The following EPHA3 variants were observed in gnomAD, a reference collection of about 807,000 sequenced individuals.
EPHA3 encodes ephrin type-A receptor 3.
EPHA3 carries 42 observed loss-of-function variants against 107.1 expected under a neutral mutation model. The observed-to-expected ratio is 0.39, with a 90% CI of 0.31 to 0.51. The LOEUF is 0.51. Ranked by LOEUF, EPHA3 falls within the 20% of genes least tolerant of loss-of-function variation. The probability of loss-of-function intolerance (pLI) is 0.78; values close to 1 mark genes in which losing one functional copy is unlikely to be tolerated. For missense variants in EPHA3, 1,183 were observed against 1,211.2 expected, an observed-to-expected ratio of 0.98 and a Z score of 0.35; for synonymous variants, 461 against 424.8, an observed-to-expected ratio of 1.09 and a Z score of -1.05.
intron 3 of EPHA3, among the ~76,000 whole-genome samples, chr3:89,265,279 T>G (rs17800347): frequency 0.22 from 33,316 of 152,030 alleles, 3,968 homozygotes; most frequent in Non-Finnish European, 0.27. Context: ...TATTTAGAGA[T>G]GCATCAAGAA....
chr3:89,298,264 T>G (rs1023146936), intron 3 of EPHA3, among the ~76,000 whole-genome samples: 2 of 152,130 alleles, frequency 1.3e-5, no homozygotes, highest in Non-Finnish European at 2.9e-5. Context: ...GCAAATGGCC[T>G]TTCTCTCTCT....
chr3:89,460,823 C>CTTTTTTTTTTTT (rs753656853), intron 15 of EPHA3, among the ~76,000 whole-genome samples: 57 of 102,810 alleles, frequency 5.5e-4, no homozygotes, highest in African/African-American at 9.6e-4. Flanking sequence ...CTCTGTCTCT[C>CTTTTTTTTTTTT]TTTTTTTTTT....
rs187562413 is a variant in EPHA3 at position 89,359,694 on chromosome 3, C to T, written c.1306+17604C>T. Among the ~76,000 whole-genome samples the T allele has an allele frequency of 1.3e-4, 19 of 143,294 alleles. 1 individual carries two copies. Among genetic ancestry groups the T allele is most frequent in the Non-Finnish European group, 1.5e-4 (10 of 65,064 alleles). 94.0% of individuals were successfully genotyped at this position (143,294 alleles called of 152,430 possible). A position where few individuals can be genotyped will look rare whatever the true frequency, so the allele number is the denominator to read the frequency against. ...TATATTGTGTGTGTGTGTGTATATA[C>T]GTTATATATTGTGTGTGTGTATATA... On this transcript the variant is annotated intron_variant, in intron 5 of 16. Coordinates refer to ENST00000336596, the MANE Select transcript of EPHA3 (RefSeq NM_005233.6).
Position 89,209,714 on chromosome 3 carries a change from G to A in EPHA3, c.154-146G>A, listed in dbSNP as rs369910830. 8 of 646,566 alleles carry A rather than the reference G, an allele frequency of 1.2e-5. No homozygotes were observed. In the African/African-American group the frequency reaches 1.5e-4, roughly 12 times the overall value. 40.1% of individuals were successfully genotyped at this position (646,566 alleles called of 1,614,324 possible). A position where few individuals can be genotyped will look rare whatever the true frequency, so the allele number is the denominator to read the frequency against. Reference sequence around the variant, plus strand: ...ATTACTTTATGTCCATTAACTCAGAGAACCTTGCAAATAAAAACTACAAAC... The same window carrying A: ...ATTACTTTATGTCCATTAACTCAGAAAACCTTGCAAATAAAAACTACAAAC... On this transcript the variant is annotated intron_variant, in intron 2 of 16. Coordinates refer to ENST00000336596, the MANE Select transcript of EPHA3 (RefSeq NM_005233.6).
chr3:89,415,732 T>A (rs1040944430), intron 10 of EPHA3, among the ~76,000 whole-genome samples: 3 of 151,280 alleles, frequency 2.0e-5, no homozygotes, highest in Non-Finnish European at 4.4e-5. Context: ...TAAAAATTTC[T>A]GAAGAAAGTA....
intron 15 of EPHA3, among the ~76,000 whole-genome samples, chr3:89,457,950 A>G (rs1231206918): frequency 6.6e-6 from 1 of 152,236 alleles, no homozygotes; most frequent in Admixed American, 6.5e-5. Context: ...ATCAGAGAAT[A>G]CTTCCAGGTT....
intron 2 of EPHA3, among the ~76,000 whole-genome samples, chr3:89,176,616 T>C (rs573988452): frequency 2.0e-4 from 30 of 152,206 alleles, no homozygotes; most frequent in African/African-American, 5.8e-4. Flanking sequence ...TAATAATACA[T>C]GTCTCACAGA....
intron 5 of EPHA3, among the ~76,000 whole-genome samples, chr3:89,386,597 G>A (rs548851129): frequency 2.0e-5 from 3 of 152,342 alleles, no homozygotes; most frequent in East Asian, 1.9e-4. Context: ...CAAGGGCAGT[G>A]CAGTAGGGAA....
chr3:89,208,642 T>G (rs1295659103), intron 2 of EPHA3, among the ~76,000 whole-genome samples: 1 of 151,458 alleles, frequency 6.6e-6, no homozygotes, highest in Non-Finnish European at 1.5e-5. Flanking sequence ...TTCCACAAGT[T>G]CCACAAGAAA....
rs567287021 is a variant in EPHA3 at position 89,130,801 on chromosome 3, A to AT, written c.153+3535dup. Among the ~76,000 whole-genome samples the AT allele has an allele frequency of 8.8e-3, 1,336 of 152,002 alleles. 15 individuals are homozygous for AT. Among genetic ancestry groups the AT allele is most frequent in the African/African-American group, 0.031 (1,273 of 41,466 alleles). On this transcript the variant is annotated intron_variant, in intron 2 of 16. Coordinates refer to ENST00000336596, the MANE Select transcript of EPHA3 (RefSeq NM_005233.6). ...AGGCGCCCGCCACCACGCTCAGCTA[A>AT]TTTTTTTGTGTTTTTTAGTAGAGAC...
At chr3:89,347,573 G>A (rs918665655) in intron 5 of EPHA3, among the ~76,000 whole-genome samples, 1 of 149,562 alleles carries the variant, frequency 6.7e-6, no homozygotes, top group African/African-American at 2.5e-5. Context: ...GGGACAATTT[G>A]ACTTCCTCTT....
chr3:89,372,831 A>G (rs1247666720), intron 5 of EPHA3, among the ~76,000 whole-genome samples: 1 of 151,804 alleles, frequency 6.6e-6, no homozygotes, highest in Non-Finnish European at 1.5e-5. Flanking sequence ...AAAGGAAGGT[A>G]TGTTATCTTA....
intron 2 of EPHA3, among the ~76,000 whole-genome samples, chr3:89,161,471 T>C (rs934110316): frequency 6.6e-6 from 1 of 152,176 alleles, no homozygotes; most frequent in South Asian, 2.1e-4. Context: ...TTTTTTGAAA[T>C]CTAACAATGT....
rs1392681813 is a variant in EPHA3 at position 89,161,215 on chromosome 3, T to A, written c.153+33942T>A. ...GACCATGCCATATTAGAAACTAGAA[T>A]AAAAAAGGAAAATGTTTGAATGGGT... On this transcript the variant is annotated intron_variant, in intron 2 of 16. Coordinates refer to ENST00000336596, the MANE Select transcript of EPHA3 (RefSeq NM_005233.6). Among the ~76,000 whole-genome samples the A allele has an allele frequency of 1.2e-4, 18 of 152,010 alleles. 1 individual carries two copies. In the East Asian group the frequency reaches 3.3e-3, roughly 28 times the overall value.
chr3:89,403,101 A>G (rs1708997314), intron 7 of EPHA3, among the ~76,000 whole-genome samples: 3 of 152,202 alleles, frequency 2.0e-5, no homozygotes, highest in Admixed American at 2.0e-4. Context: ...TAGGGAAGAG[A>G]TGGAGGCAGA....
intron 15 of EPHA3, among the ~76,000 whole-genome samples, chr3:89,468,284 C>G (rs929829692): frequency 1.3e-5 from 2 of 151,288 alleles, no homozygotes; most frequent in East Asian, 3.9e-4. Context: ...GCACTTTGAT[C>G]CAAGTCATAA....
intron 2 of EPHA3, among the ~76,000 whole-genome samples, chr3:89,168,935 C>A (rs1248459871): frequency 6.6e-6 from 1 of 151,176 alleles, no homozygotes; most frequent in Non-Finnish European, 1.5e-5. Context: ...TTTTCCAATT[C>A]ATTGTACATA....
intron 3 of EPHA3, among the ~76,000 whole-genome samples, chr3:89,305,367 C>T (rs1231517688): frequency 6.6e-6 from 1 of 152,014 alleles, no homozygotes; most frequent in Admixed American, 6.6e-5. Context: ...TAGCAAAATA[C>T]AGAATTGACA....
At chr3:89,350,501 TCTAGTTATA>T (rs1484732696) in intron 5 of EPHA3, among the ~76,000 whole-genome samples, 3 of 150,938 alleles carry the variant, frequency 2.0e-5, no homozygotes, top group Non-Finnish European at 3.0e-5. Context: ...TATTGGTTAT[TCTAGTTATA>T]CATTCTTCTA....
Sources: allele counts gnomAD v4.1 joint callset (sites outside exome capture counted in the v4.1 genomes callset), GRCh38; gene constraint gnomAD v4.1.1; transcripts MANE v1.5; gene names NCBI Gene and HGNC (gene_info 2026-07-23, HGNC 2026-07-21).